NXPE2: variants seen among roughly 807,000 people sequenced by gnomAD.
The protein encoded by NXPE2 is NXPE family member 2.
In NXPE2, 34 loss-of-function variants were observed where a neutral mutation model predicts 34.4. The observed-to-expected ratio is 0.99, with a 90% CI of 0.75 to 1.31. The LOEUF (loss-of-function observed/expected upper bound fraction) is 1.31, where lower values mean the gene tolerates loss of function less well. Among genes scored for constraint, NXPE2 ranks in the 40% most tolerant of loss-of-function variants. The pLI, the probability that NXPE2 is intolerant of heterozygous loss-of-function variation, is 0.00. For missense variants in NXPE2, 649 were observed against 672.5 expected, an observed-to-expected ratio of 0.97 and a Z score of 0.39; for synonymous variants, 235 against 231.3, an observed-to-expected ratio of 1.02 and a Z score of -0.15.
chr11:114,645,482 CAAAA>C, the NXPE2 span, among the ~76,000 whole-genome samples: 1 of 151,796 alleles, frequency 6.6e-6, no homozygotes, highest in Admixed American at 6.6e-5. Context: ...GAAAGACAAA[CAAAA>C]ACCAAAAACA....
chr11:114,785,174 G>C, the NXPE2 span, among the ~76,000 whole-genome samples: 8 of 152,148 alleles, frequency 5.3e-5, no homozygotes, highest in African/African-American at 1.9e-4. Flanking sequence ...GTCCTGAAGT[G>C]GCTTCTGCAT....
chr11:114,809,146 C>T, the NXPE2 span, among the ~76,000 whole-genome samples: 16 of 152,014 alleles, frequency 1.1e-4, no homozygotes, highest in African/African-American at 3.6e-4. Flanking sequence ...TTCAACAACC[C>T]TTCATGCTAA....
At position 114,706,800 on chromosome 11, in the gene NXPE2, T is replaced by G. The variant is rs1286705926; in HGVS notation, c.1550T>G (p.Ile517Ser). The G allele has an allele frequency of 1.9e-6, 3 of 1,552,332 alleles. No individual in the cohort carries two copies. Among genetic ancestry groups the G allele is most frequent in the East Asian group, 4.9e-5 (2 of 41,068 alleles). ...GYIQNLIIRD[I>S]FVDLNVGIID... is the part of the protein sequence containing the mutation. The stretch of plus-strand genomic sequence containing the variant: ...ATTCAGAATCTTATCATAAGAGATA[T>G]TTTTGTGGATCTTAATGTGGGTATT... Residue 517 changes from isoleucine (I) to serine (S), a missense_variant, in exon 6 of 6, where the codon ATT (isoleucine) becomes AGT (serine). By Grantham distance (142) the Ile-to-Ser change is moderately radical. Coordinates refer to ENST00000389586, the MANE Select transcript of NXPE2 (RefSeq NM_182495.6).
At chr11:114,648,750 TACTA>T in the NXPE2 span, among the ~76,000 whole-genome samples, 4 of 152,148 alleles carry the variant, frequency 2.6e-5, no homozygotes, top group South Asian at 2.1e-4. Flanking sequence ...ACTAAAAACT[TACTA>T]ACTTCTTCTC....
At chr11:114,812,764 G>T in the NXPE2 span, among the ~76,000 whole-genome samples, 1 of 152,142 alleles carries the variant, frequency 6.6e-6, no homozygotes, top group Non-Finnish European at 1.5e-5. Context: ...TGAGATAGTG[G>T]TGTTGCTGGG....
chr11:114,609,320 C>A, the NXPE2 span, among the ~76,000 whole-genome samples: 2 of 151,492 alleles, frequency 1.3e-5, no homozygotes, highest in African/African-American at 2.4e-5. Flanking sequence ...TCGTGGGTAA[C>A]CACGGTTACC....
chr11:114,670,597 C>G, the NXPE2 span, among the ~76,000 whole-genome samples: 1 of 151,960 alleles, frequency 6.6e-6, no homozygotes, highest in South Asian at 2.1e-4. Context: ...GAGGCTGAGG[C>G]AGGAGGATCA....
the NXPE2 span, among the ~76,000 whole-genome samples, chr11:114,492,819 A>T: frequency 6.6e-6 from 1 of 152,158 alleles, no homozygotes; most frequent in African/African-American, 2.4e-5. Flanking sequence ...GATTACAGGC[A>T]TGAGCCACTG....
the NXPE2 span, among the ~76,000 whole-genome samples, chr11:114,566,596 A>G: frequency 3.0e-3 from 450 of 152,282 alleles, 3 homozygotes; most frequent in African/African-American, 0.01. Context: ...AGAGAATAGG[A>G]GGTAGCAAGG....
chr11:114,765,928 C>T, the NXPE2 span, among the ~76,000 whole-genome samples: 16,247 of 152,162 alleles, frequency 0.11, 977 homozygotes, highest in Middle Eastern at 0.16. Flanking sequence ...TTTAACCTCA[C>T]CATCACCACT....
the NXPE2 span, among the ~76,000 whole-genome samples, chr11:114,601,690 A>AT: frequency 6.8e-4 from 22 of 32,458 alleles, 2 homozygotes; most frequent in Admixed American, 0.011. Flanking sequence ...TAGATTATAT[A>AT]TATTTATAAT....
the NXPE2 span, among the ~76,000 whole-genome samples, chr11:114,603,888 T>A: frequency 0.031 from 4,726 of 151,136 alleles, 121 homozygotes; most frequent in Admixed American, 0.081. Context: ...TGGTGGTTAA[T>A]AAGTATTGCC....
the NXPE2 span, among the ~76,000 whole-genome samples, chr11:114,790,547 C>T: frequency 2.6e-5 from 4 of 152,276 alleles, no homozygotes; most frequent in Non-Finnish European, 4.4e-5. Flanking sequence ...CCCAGATTTT[C>T]GCTATCCCCA....
At chr11:114,538,689 A>C in the NXPE2 span, among the ~76,000 whole-genome samples, 1 of 152,246 alleles carries the variant, frequency 6.6e-6, no homozygotes, top group Non-Finnish European at 1.5e-5. Flanking sequence ...AAAAATGCTC[A>C]TCATCACTGG....
chr11:114,779,649 G>A, the NXPE2 span, among the ~76,000 whole-genome samples: 1 of 152,086 alleles, frequency 6.6e-6, no homozygotes, highest in African/African-American at 2.4e-5. Flanking sequence ...CCCAGAGATG[G>A]GACAGTGACA....
the NXPE2 span, among the ~76,000 whole-genome samples, chr11:114,719,515 C>T: frequency 3.7e-3 from 560 of 152,272 alleles, 1 homozygote; most frequent in African/African-American, 0.013. Flanking sequence ...GACGTTTGCC[C>T]GTTCTGTTGT....
At chr11:114,701,462 T>A (rs1375309847) in intron 3 of NXPE2, among the ~76,000 whole-genome samples, 1 of 152,212 alleles carries the variant, frequency 6.6e-6, no homozygotes, top group Non-Finnish European at 1.5e-5. Context: ...ACAGTAATCA[T>A]GATAGTAAGC....
the NXPE2 span, chr11:114,571,520 C>A: frequency 4.1e-6 from 6 of 1,467,280 alleles, no homozygotes; most frequent in African/African-American, 5.6e-5. Flanking sequence ...ATATAGTTAC[C>A]AAGATTGAGT....
At chr11:114,586,678 C>A in the NXPE2 span, among the ~76,000 whole-genome samples, 8 of 152,234 alleles carry the variant, frequency 5.3e-5, no homozygotes, top group African/African-American at 1.9e-4. Flanking sequence ...CAGGGAGACA[C>A]CCTGGTGTTA....
Sources: gnomAD v4.1 joint callset for allele counts (sites outside exome capture counted in the v4.1 genomes callset) on GRCh38, gnomAD v4.1.1 for gene constraint, MANE v1.5 for transcripts, NCBI Gene and HGNC (gene_info 2026-07-23, HGNC 2026-07-21) for gene names.